NFKB1: variants seen among roughly 807,000 people sequenced by gnomAD.
NFKB1 encodes nuclear factor kappa B subunit 1.
Under a neutral mutation model 105.1 loss-of-function variants are expected in NFKB1, and 9 were observed. That is an observed-to-expected ratio of 0.09 (90% CI 0.05 to 0.15). The LOEUF (loss-of-function observed/expected upper bound fraction) is 0.15. Among genes scored for constraint, NFKB1 ranks in the 10% least tolerant of loss-of-function variants. NFKB1 has a pLI of 1.00. For synonymous variants in NFKB1, 440 were observed against 442.2 expected, an observed-to-expected ratio of 1.00 and a Z score of 0.06; for missense variants, 830 against 1,203.7, an observed-to-expected ratio of 0.69 and a Z score of 4.59.
chr4:102,589,199 A>G (rs1007453911), intron 11 of NFKB1, among the ~76,000 whole-genome samples: 2 of 152,234 alleles, frequency 1.3e-5, no homozygotes, highest in African/African-American at 4.8e-5. Context: ...GGTAAAATGA[A>G]TACATAGAAA....
In NFKB1 at chr4:102,578,926, A is replaced by T; in HGVS notation, c.617A>T (p.Lys206Met). ...LIRQAALQQT[K>M]EMDLSVVRLM... ...CGCCAAGCAGCTCTGCAGCAGACCAAGGAGATGGACCTCAGCGTGGTGCGG... is the reference window on the plus strand; with the variant it reads ...CGCCAAGCAGCTCTGCAGCAGACCATGGAGATGGACCTCAGCGTGGTGCGG... The change falls in exon 8 of 24, where the codon AAG becomes ATG. Residue 206 changes from lysine (K) to methionine (M), a missense_variant. Coordinates refer to ENST00000226574, the MANE Select transcript of NFKB1 (RefSeq NM_003998.4). 6.2e-7 allele frequency: 1 copy of T among 1,614,132 alleles called. No individual in the cohort carries two copies. Among genetic ancestry groups the T allele is most frequent in the Non-Finnish European group, 8.5e-7 (1 of 1,179,998 alleles).
At chr4:102,559,375 G>A (rs961289114) in intron 5 of NFKB1, among the ~76,000 whole-genome samples, 2 of 152,002 alleles carry the variant, frequency 1.3e-5, no homozygotes, top group Admixed American at 1.3e-4. Context: ...AGGATTTTGA[G>A]TGAAGGAGTG....
At chr4:102,596,614 C>G (rs1188269132) in intron 14 of NFKB1, among the ~76,000 whole-genome samples, 1 of 152,090 alleles carries the variant, frequency 6.6e-6, no homozygotes, top group Non-Finnish European at 1.5e-5. Flanking sequence ...TAATCAACTT[C>G]TTTTCTGGCA....
chr4:102,519,035 TA>T (rs1335099744), intron 1 of NFKB1, among the ~76,000 whole-genome samples: 1 of 151,744 alleles, frequency 6.6e-6, no homozygotes. Context: ...GAGTGGCATA[TA>T]AAAAAAAGTG....
intron 14 of NFKB1, 45 bp downstream of exon 14, chr4:102,596,377 G>A (rs375211451): frequency 1.8e-5 from 27 of 1,524,168 alleles, no homozygotes; most frequent in Non-Finnish European, 2.3e-5. Flanking sequence ...GCTGGGGAGG[G>A]GTCAGTCCTA....
chr4:102,596,194 A>G lies in NFKB1; in HGVS notation c.1357A>G (p.Lys453Glu). The G allele has an allele frequency of 1.9e-6, 3 of 1,613,248 alleles. No individual in the cohort carries two copies. The highest frequency in any genetic ancestry group is 1.1e-5 in the South Asian group (1 of 90,990). Reference protein sequence around the residue: ...DPEGCDKSDDKNTVNLFGKVI... With the variant: ...DPEGCDKSDDENTVNLFGKVI... ...TGAAGGTTGTGACAAAAGTGATGACAAAAACACTGTAAACCTCTTTGGGAA... is the reference window on the plus strand; with the variant it reads ...TGAAGGTTGTGACAAAAGTGATGACGAAAACACTGTAAACCTCTTTGGGAA... Residue 453 changes from lysine to glutamate, a missense_variant, in exon 14 of 24, where the codon AAA (lysine) becomes GAA (glutamate). Physicochemically the swap from Lys to Glu is moderately conservative, Grantham distance 56. Transcript: ENST00000226574.
intron 5 of NFKB1, among the ~76,000 whole-genome samples, chr4:102,556,607 C>A (rs981522626): frequency 2.0e-5 from 3 of 152,090 alleles, no homozygotes; most frequent in Admixed American, 2.0e-4. Flanking sequence ...TCTGTCATGA[C>A]CTTTACACAC....
chr4:102,542,812 C>A (rs549456415), intron 5 of NFKB1, among the ~76,000 whole-genome samples: 2 of 152,172 alleles, frequency 1.3e-5, no homozygotes, highest in Non-Finnish European at 1.5e-5. Flanking sequence ...CTATTGATTC[C>A]TCTTTGCTGT....
At chr4:102,538,322 A>G (rs532000425) in intron 5 of NFKB1, among the ~76,000 whole-genome samples, 1 of 152,332 alleles carries the variant, frequency 6.6e-6, no homozygotes, top group Admixed American at 6.5e-5. Flanking sequence ...GACTGAGTGT[A>G]TGGATTATAT....
At chr4:102,594,764 C>A in intron 12 of NFKB1, 128 bp from the exon 13 acceptor site, 1 of 570,186 alleles carries the variant, frequency 1.8e-6, no homozygotes, top group Non-Finnish European at 3.2e-6. Context: ...AACAGAAAAA[C>A]CATGTGTGGG....
At chr4:102,582,118 CATG>C (rs1227816266) in intron 9 of NFKB1, among the ~76,000 whole-genome samples, 3 of 152,094 alleles carry the variant, frequency 2.0e-5, no homozygotes, top group African/African-American at 7.2e-5. Flanking sequence ...AAACACACTC[CATG>C]ACTAGAGTGT....
At chr4:102,512,288 T>G (rs1410321537) in intron 1 of NFKB1, among the ~76,000 whole-genome samples, 1 of 152,206 alleles carries the variant, frequency 6.6e-6, no homozygotes, top group Non-Finnish European at 1.5e-5. Context: ...AGAGGTATAG[T>G]TCACCTATTT....
At position 102,533,844 on chromosome 4, in the gene NFKB1, G is replaced by C. The variant is rs768059215; in HGVS notation, c.119-1G>C. ...TTTCTGTTTGTTGTTTTTGTTTTTAGCAGATGGCCCATACCTTCAAATATT... is the reference window on the plus strand; with the variant it reads ...TTTCTGTTTGTTGTTTTTGTTTTTACCAGATGGCCCATACCTTCAAATATT... On this transcript the variant is annotated splice_acceptor_variant, in intron 3 of 23. Transcript: ENST00000226574. LOFTEE classifies it high-confidence loss of function. The C allele has an allele frequency of 1.9e-6, 3 of 1,611,302 alleles. No individual in the cohort carries two copies. The African/African-American group carries it at 4.0e-5, about 22-fold the overall frequency.
chr4:102,558,191 C>T (rs1185232735), intron 5 of NFKB1, among the ~76,000 whole-genome samples: 1 of 152,062 alleles, frequency 6.6e-6, no homozygotes, highest in Non-Finnish European at 1.5e-5. Context: ...TCTGTCCTCC[C>T]ACCCTCCACC....
At chr4:102,609,496 C>T (rs1325751908) in intron 19 of NFKB1, among the ~76,000 whole-genome samples, 1 of 151,218 alleles carries the variant, frequency 6.6e-6, no homozygotes, top group Non-Finnish European at 1.5e-5. Flanking sequence ...TCTGTAATCC[C>T]AGCTACTCAG....
intron 22 of NFKB1, among the ~76,000 whole-genome samples, chr4:102,613,152 G>T (rs1029056504): frequency 6.6e-6 from 1 of 152,192 alleles, no homozygotes; most frequent in African/African-American, 2.4e-5. Flanking sequence ...ACTGTAGGCA[G>T]AGTTTCACTG....
At position 102,528,988 on chromosome 4, in the gene NFKB1, A is replaced by G. The variant is rs1448873320; in HGVS notation, c.40-848A>G. Among the ~76,000 whole-genome samples the G allele has an allele frequency of 4.6e-5, 7 of 151,972 alleles. No individual in the cohort carries two copies. In the East Asian group the frequency reaches 1.2e-3, roughly 25 times the overall value. On this transcript the variant is annotated intron_variant, in intron 2 of 23. Coordinates refer to ENST00000226574, the MANE Select transcript of NFKB1 (RefSeq NM_003998.4). ...GCCTGCTTTCCCTGTGCACCCTCTC[A>G]TCACTCCAGCCTCTTGCTTCCTTTG...
chr4:102,589,735 G>A (rs1342378419), intron 11 of NFKB1, among the ~76,000 whole-genome samples: 2 of 145,682 alleles, frequency 1.4e-5, no homozygotes, highest in African/African-American at 5.3e-5. Context: ...TAAGGGTTCA[G>A]CACTAATCAA....
At chr4:102,510,985 C>T in intron 1 of NFKB1, 1 of 1,276,876 alleles carries the variant, frequency 7.8e-7, no homozygotes, top group Non-Finnish European at 1.0e-6. Context: ...AAAAAGTCAG[C>T]CTTTAAAAAG....
Sources: allele counts gnomAD v4.1 joint callset (sites outside exome capture counted in the v4.1 genomes callset), GRCh38; gene constraint gnomAD v4.1.1; transcripts MANE v1.5; gene names NCBI Gene and HGNC (gene_info 2026-07-23, HGNC 2026-07-21).